SEPTIN3: variants seen among roughly 807,000 people sequenced by gnomAD.
SEPTIN3 encodes neuronal-specific septin-3.
In SEPTIN3, 15 loss-of-function variants were observed where a neutral mutation model predicts 45.1. That is an observed-to-expected ratio of 0.33 (90% CI 0.22 to 0.51). The LOEUF is 0.51. SEPTIN3 is among the 20% of genes least tolerant of loss of function. The pLI, the probability that SEPTIN3 is intolerant of heterozygous loss-of-function variation, is 0.97. For missense variants in SEPTIN3, 289 were observed against 457.2 expected, an observed-to-expected ratio of 0.63 and a Z score of 3.35; for synonymous variants, 148 against 164.8, an observed-to-expected ratio of 0.90 and a Z score of 0.78.
chr22:41,972,261 A>C lies in SEPTIN3; in HGVS notation c.769A>C (p.Thr257Pro). Residue 257 changes from threonine to proline, a missense_variant, in exon 2 of 12, where the codon ACT becomes CCT. Thr to Pro is a conservative substitution (Grantham distance 38, BLOSUM62 -1). This residue lies in a region of SEPTIN3 where 200 missense variants were observed against 315.1 expected (regional missense o/e 0.63). Coordinates refer to ENST00000644076, the MANE Select transcript of SEPTIN3 (RefSeq NM_001363845.2). Reference sequence around the variant, plus strand: ...AAGGGCCAACACGACTGTGAATTTGACTGCTATGGACACAAGGACAGACGC... The same window carrying C: ...AAGGGCCAACACGACTGTGAATTTGCCTGCTATGGACACAAGGACAGACGC... ...LQRANTTVNL[T>P]AMDTRTDAAR... 1 of 399,062 alleles carries C rather than the reference A, an allele frequency of 2.5e-6. No homozygotes were observed. Among genetic ancestry groups the C allele is most frequent in the Non-Finnish European group, 4.4e-6 (1 of 226,066 alleles). The allele number at this position is 399,062 out of a possible 1,614,324, so 24.7% of individuals were successfully genotyped here. A position where few individuals can be genotyped will look rare whatever the true frequency, so the allele number is the denominator to read the frequency against.
At chr22:41,978,030 T>A (rs939733637) in intron 2 of SEPTIN3, among the ~76,000 whole-genome samples, 1 of 152,162 alleles carries the variant, frequency 6.6e-6, no homozygotes, top group African/African-American at 2.4e-5. Flanking sequence ...CTAGCCAGGA[T>A]GGCAGACTTG....
chr22:41,984,505 G>A (rs946692900), intron 3 of SEPTIN3, among the ~76,000 whole-genome samples: 10 of 152,162 alleles, frequency 6.6e-5, no homozygotes, highest in Admixed American at 5.9e-4. Context: ...ATTCTTGTAC[G>A]TGTTGAAGTT....
intron 4 of SEPTIN3, among the ~76,000 whole-genome samples, chr22:41,986,545 G>C (rs2078211202): frequency 6.6e-6 from 1 of 152,056 alleles, no homozygotes; most frequent in Non-Finnish European, 1.5e-5. Context: ...TGTCGCCCAG[G>C]CTGGAGTGCA....
At chr22:41,978,351 G>A (rs371500813) in intron 2 of SEPTIN3, among the ~76,000 whole-genome samples, 3 of 152,198 alleles carry the variant, frequency 2.0e-5, no homozygotes, top group Admixed American at 1.3e-4. Flanking sequence ...ACACGGCCCC[G>A]CCCTAAAGAA....
chr22:41,986,491 TTTTG>T (rs1030503589), intron 4 of SEPTIN3, among the ~76,000 whole-genome samples: 5 of 150,940 alleles, frequency 3.3e-5, no homozygotes, highest in South Asian at 2.1e-4. Context: ...CTGTCTCTTT[TTTTG>T]TTTGTTTGTT....
intron 2 of SEPTIN3, among the ~76,000 whole-genome samples, chr22:41,977,243 C>G (rs2078043280): frequency 6.6e-6 from 1 of 152,062 alleles, no homozygotes. Context: ...GAGAGACAAT[C>G]TTGGAGAGAG....
rs531237018 is a variant in SEPTIN3 at position 41,990,589 on chromosome 22, CA to C, written c.2163+912del. Among the ~76,000 whole-genome samples, 154 of 148,588 alleles carry C rather than the reference CA, an allele frequency of 1.0e-3. 1 individual carries two copies. The highest frequency in any genetic ancestry group is 3.3e-3 in the African/African-American group (134 of 40,430). On this transcript the variant is annotated intron_variant, in intron 7 of 11. Coordinates refer to ENST00000644076, the MANE Select transcript of SEPTIN3 (RefSeq NM_001363845.2). ...TGAAACCCCGTCTCTACTAAAAATA[CA>C]AAAAAATTAGCCGGGTGTGGTGGCG...
intron 11 of SEPTIN3, chr22:41,995,018 C>T (rs1170577030): frequency 4.8e-6 from 6 of 1,246,614 alleles, no homozygotes; most frequent in Non-Finnish European, 6.1e-6. Flanking sequence ...TTGGCTCCTC[C>T]ATGCCTGTCC....
intron 2 of SEPTIN3, among the ~76,000 whole-genome samples, chr22:41,977,566 C>T (rs1056956292): frequency 5.9e-5 from 9 of 152,000 alleles, no homozygotes; most frequent in Non-Finnish European, 7.4e-5. Context: ...TGGGAAAGGA[C>T]CGAGAGAGCT....
rs17002787 is a variant in SEPTIN3 at position 41,995,013 on chromosome 22, T to G, written c.2505+299T>G. 0.012 allele frequency: 14,866 copies of G among 1,278,166 alleles called. 1,104 individuals are homozygous for G. The African/African-American group carries it at 0.17, about 15-fold the overall frequency. The allele number at this position is 1,278,166 out of a possible 1,614,324, so 79.2% of individuals were successfully genotyped here. A position where few individuals can be genotyped will look rare whatever the true frequency, so the allele number is the denominator to read the frequency against. On this transcript the variant is annotated intron_variant, in intron 11 of 11. Transcript: ENST00000644076. Reference sequence around the variant, plus strand: ...CTGGAGAGTCCCTTGTAAGTTTGGCTCCTCCATGCCTGTCCATTATCTGTC... The same window carrying G: ...CTGGAGAGTCCCTTGTAAGTTTGGCGCCTCCATGCCTGTCCATTATCTGTC...
At chr22:41,974,037 C>G (rs1332347378) in intron 2 of SEPTIN3, among the ~76,000 whole-genome samples, 1 of 151,384 alleles carries the variant, frequency 6.6e-6, no homozygotes, top group Non-Finnish European at 1.5e-5. Flanking sequence ...TGGCATGCAT[C>G]TGTGGTCCCA....
In SEPTIN3 at chr22:41,981,691, T is replaced by C; in HGVS notation, c.1551T>C (p.Pro517=). ...RTDAAMSELV[P]EPRPKPAVPM... ...ACGCAGCCATGTCAGAGCTGGTGCC[T>C]GAGCCCAGGCCTAAGCCAGCGGTGC... is the stretch of plus-strand genomic sequence containing the variant. Residue 517 remains proline (P), a synonymous_variant, in exon 3 of 12, where the codon CCT becomes CCC. Coordinates refer to ENST00000644076, the MANE Select transcript of SEPTIN3 (RefSeq NM_001363845.2). The C allele has an allele frequency of 6.2e-7, 1 of 1,613,908 alleles. No homozygotes were observed. The highest frequency in any genetic ancestry group is 8.5e-7 in the Non-Finnish European group (1 of 1,179,986).
At chr22:41,995,436 T>G in intron 11 of SEPTIN3, 3 of 985,592 alleles carry the variant, frequency 3.0e-6, no homozygotes, top group Non-Finnish European at 3.6e-6. Flanking sequence ...CTACTGCTGC[T>G]CTCCACTCAA....
rs1028767972 is a variant in SEPTIN3, at chr22:41,994,398, G to A, written c.2411+57G>A. 3.8e-6 allele frequency: 6 copies of A among 1,586,134 alleles called. No individual in the cohort carries two copies. Among genetic ancestry groups the A allele is most frequent in the African/African-American group, 1.3e-5 (1 of 74,380 alleles). On this transcript the variant is annotated intron_variant, in intron 10 of 11. Coordinates refer to ENST00000644076, the MANE Select transcript of SEPTIN3 (RefSeq NM_001363845.2). The surrounding 1 kb of genome is among the most constrained non-coding windows in gnomAD (Gnocchi z 4.2). ...GCAGGTTGAATTATTTGGGGTCAGG[G>A]TCTATCTGTTCAGATTCACCTCCTG...
intron 2 of SEPTIN3, chr22:41,977,064 C>G: frequency 1.2e-6 from 2 of 1,602,026 alleles, no homozygotes; most frequent in Non-Finnish European, 1.7e-6. Flanking sequence ...AAGGAGGATT[C>G]ATGTCCAAAG....
At chr22:41,991,974 C>T (rs1013611510) in intron 8 of SEPTIN3, among the ~76,000 whole-genome samples, 5 of 152,168 alleles carry the variant, frequency 3.3e-5, no homozygotes, top group Admixed American at 2.6e-4. Flanking sequence ...GAGCATCAGG[C>T]TGGGGTCCAG....
intron 2 of SEPTIN3, among the ~76,000 whole-genome samples, chr22:41,974,446 C>T (rs186727013): frequency 4.2e-4 from 64 of 151,934 alleles, no homozygotes; most frequent in African/African-American, 1.5e-3. Context: ...AGGTGGATCA[C>T]GAGGTCAGGA....
intron 11 of SEPTIN3, chr22:41,996,161 C>G: frequency 2.0e-6 from 2 of 985,296 alleles, no homozygotes; most frequent in Non-Finnish European, 2.4e-6. Flanking sequence ...TGTAGACATT[C>G]CCAATGATAC....
At chr22:41,992,864 A>G (rs2078341199) in intron 9 of SEPTIN3, 101 bp downstream of exon 9, 2 of 803,088 alleles carry the variant, frequency 2.5e-6, no homozygotes. Context: ...GGACATATGA[A>G]ATGAATGCCA....
Sources: allele counts gnomAD v4.1 joint callset (sites outside exome capture counted in the v4.1 genomes callset), GRCh38; gene constraint gnomAD v4.1.1; regional missense constraint gnomAD v4.1.1; non-coding constraint Gnocchi (gnomAD v3.1); transcripts MANE v1.5; gene names NCBI Gene and HGNC (gene_info 2026-07-23, HGNC 2026-07-21).